GPC6: variants seen among roughly 807,000 people sequenced by gnomAD.
GPC6 encodes the protein glypican 6.
GPC6 carries 14 observed loss-of-function variants against 55.2 expected under a neutral mutation model. That is an observed-to-expected ratio of 0.25 (90% CI 0.17 to 0.40). GPC6 has a LOEUF of 0.40. GPC6 is among the 10% of genes least tolerant of loss of function. GPC6 has a pLI of 1.00. For synonymous variants in GPC6, 278 were observed against 259.6 expected (o/e 1.07, Z -0.68); for missense variants, 641 against 708.5 (o/e 0.90, Z 1.08).
At chr13:93,396,598 A>T (rs1269243529) in intron 1 of GPC6, among the ~76,000 whole-genome samples, 1 of 151,656 alleles carries the variant, frequency 6.6e-6, no homozygotes, top group Non-Finnish European at 1.5e-5. Context: ...TAATAATAAT[A>T]ATAGAACTAT....
chr13:93,431,470 A>C (rs1416125688), intron 1 of GPC6, among the ~76,000 whole-genome samples: 1 of 152,204 alleles, frequency 6.6e-6, no homozygotes, highest in Non-Finnish European at 1.5e-5. Context: ...TTAATATTGA[A>C]GATAAACAAC....
chr13:93,498,238 G>A (rs1452464298), intron 1 of GPC6, among the ~76,000 whole-genome samples: 1 of 152,170 alleles, frequency 6.6e-6, no homozygotes, highest in Non-Finnish European at 1.5e-5. Flanking sequence ...TCTGGCCTTT[G>A]GATGTCTTTC....
chr13:93,472,523 C>T (rs115745512), intron 1 of GPC6, among the ~76,000 whole-genome samples: 4,409 of 152,298 alleles, frequency 0.029, 225 homozygotes, highest in African/African-American at 0.1. Flanking sequence ...TTGGACCAGG[C>T]GTTACTGCAA....
At chr13:93,826,396 A>G (rs913688980) in intron 2 of GPC6, among the ~76,000 whole-genome samples, 2 of 152,198 alleles carry the variant, frequency 1.3e-5, no homozygotes, top group Non-Finnish European at 2.9e-5. Flanking sequence ...GACAAGTGCT[A>G]TAATCTCGAC....
At chr13:93,881,699 T>A (rs1874984452) in intron 3 of GPC6, among the ~76,000 whole-genome samples, 1 of 151,770 alleles carries the variant, frequency 6.6e-6, no homozygotes, top group Non-Finnish European at 1.5e-5. Flanking sequence ...CCATCCGTGT[T>A]TGTATAAACA....
At chr13:93,300,575 G>C (rs1426841995) in intron 1 of GPC6, among the ~76,000 whole-genome samples, 1 of 150,120 alleles carries the variant, frequency 6.7e-6, no homozygotes, top group African/African-American at 2.5e-5. Flanking sequence ...GTGAACCCGG[G>C]AGGCGGAGCT....
chr13:93,685,472 T>C (rs1462777162), intron 2 of GPC6, among the ~76,000 whole-genome samples: 1 of 152,234 alleles, frequency 6.6e-6, no homozygotes, highest in African/African-American at 2.4e-5. Flanking sequence ...TTATTTTTAA[T>C]TTCATATTGG....
At chr13:94,379,897 G>A (rs936197549) in intron 6 of GPC6, among the ~76,000 whole-genome samples, 1 of 152,168 alleles carries the variant, frequency 6.6e-6, no homozygotes, top group Non-Finnish European at 1.5e-5. Context: ...ATTAGAGTTT[G>A]GAGTGATCAG....
At chr13:94,067,699 A>T (rs1367982640) in intron 4 of GPC6, among the ~76,000 whole-genome samples, 6 of 152,210 alleles carry the variant, frequency 3.9e-5, no homozygotes, top group Non-Finnish European at 8.8e-5. Flanking sequence ...TCTGGCAATC[A>T]TTAGAATATG....
chr13:94,003,622 A>G (rs570429991), intron 3 of GPC6, among the ~76,000 whole-genome samples: 2 of 152,346 alleles, frequency 1.3e-5, no homozygotes, highest in South Asian at 2.1e-4. Context: ...ATCTACCATC[A>G]TACAGCCTAC....
chr13:94,368,266 G>C (rs896422635), intron 6 of GPC6, among the ~76,000 whole-genome samples: 5 of 152,040 alleles, frequency 3.3e-5, no homozygotes. Flanking sequence ...TGTTGGAGTG[G>C]TTTTAGGTTG....
At chr13:93,660,292 C>T (rs1315638509) in intron 2 of GPC6, among the ~76,000 whole-genome samples, 1 of 151,986 alleles carries the variant, frequency 6.6e-6, no homozygotes, top group African/African-American at 2.4e-5. Context: ...TTTTTCAATT[C>T]CTGATTTTTC....
intron 1 of GPC6, among the ~76,000 whole-genome samples, chr13:93,401,155 C>CGTGTGTGTGT (rs5805802): frequency 4.9e-5 from 7 of 143,456 alleles, no homozygotes; most frequent in East Asian, 2.2e-4. Flanking sequence ...AGGTATTTGT[C>CGTGTGTGTGT]GTGTGTGTGT....
At chr13:93,534,122 TA>T (rs1440135146) in intron 1 of GPC6, among the ~76,000 whole-genome samples, 2 of 152,054 alleles carry the variant, frequency 1.3e-5, no homozygotes, top group East Asian at 3.9e-4. Context: ...CCAAAATAAG[TA>T]AAAGCAGAAG....
At chr13:93,670,164 T>A (rs1029302149) in intron 2 of GPC6, among the ~76,000 whole-genome samples, 1 of 152,172 alleles carries the variant, frequency 6.6e-6, no homozygotes, top group Non-Finnish European at 1.5e-5. Flanking sequence ...CTAGTCAGTT[T>A]GCTTGCCAAT....
chr13:94,250,424 C>T (rs1891313629), intron 4 of GPC6, among the ~76,000 whole-genome samples: 1 of 152,158 alleles, frequency 6.6e-6, no homozygotes, highest in South Asian at 2.1e-4. Context: ...TGGTCAATTA[C>T]AGCCAAAGAG....
chr13:94,086,386 T>C (rs1189911223), intron 4 of GPC6, among the ~76,000 whole-genome samples: 1 of 152,092 alleles, frequency 6.6e-6, no homozygotes, highest in African/African-American at 2.4e-5. Flanking sequence ...AATGAAATAC[T>C]ATCTGGACCT....
intron 1 of GPC6, among the ~76,000 whole-genome samples, chr13:93,448,665 G>T (rs899918029): frequency 6.6e-6 from 1 of 152,092 alleles, no homozygotes; most frequent in Non-Finnish European, 1.5e-5. Flanking sequence ...AACGTAATCT[G>T]GATACTTGCA....
intron 2 of GPC6, among the ~76,000 whole-genome samples, chr13:93,822,494 T>C (rs1887086468): frequency 2.0e-5 from 3 of 152,298 alleles, no homozygotes; most frequent in Middle Eastern, 3.4e-3. Flanking sequence ...ATGTGCAGAA[T>C]ATGCACGTTT....
Sources: allele counts gnomAD v4.1 joint callset (sites outside exome capture counted in the v4.1 genomes callset), GRCh38; gene constraint gnomAD v4.1.1; transcripts MANE v1.5; gene names NCBI Gene and HGNC (gene_info 2026-07-23, HGNC 2026-07-21).